The following GCH1 variants were observed in gnomAD, a reference collection of about 807,000 sequenced individuals.
GCH1 encodes GTP cyclohydrolase 1.
GCH1 carries 5 observed loss-of-function variants against 25.9 expected under a neutral mutation model. The observed-to-expected ratio is 0.19, with a 90% CI of 0.10 to 0.41. The LOEUF (loss-of-function observed/expected upper bound fraction) is 0.41, where lower values mean the gene tolerates loss of function less well. Ranked by LOEUF, GCH1 falls within the 10% of genes least tolerant of loss-of-function variation. GCH1 has a pLI of 1.00. For synonymous variants in GCH1, 159 were observed against 129.6 expected, an observed-to-expected ratio of 1.23 and a Z score of -1.54; for missense variants, 261 against 336.5, an observed-to-expected ratio of 0.78 and a Z score of 1.75.
At chr14:54,875,747 T>A (rs537789018) in intron 1 of GCH1, among the ~76,000 whole-genome samples, 1 of 152,176 alleles carries the variant, frequency 6.6e-6, no homozygotes, top group East Asian at 1.9e-4. Flanking sequence ...CATGAAAAAA[T>A]GCTCATCATC....
intron 1 of GCH1, among the ~76,000 whole-genome samples, chr14:54,877,809 T>G (rs2040185133): frequency 6.6e-6 from 1 of 152,118 alleles, no homozygotes. Flanking sequence ...AGTGCTTATT[T>G]AAGCATACTT....
In GCH1 at chr14:54,861,969, G is replaced by A. The variant is rs1363490697; in HGVS notation, c.454-2233C>T. 2.0e-5 allele frequency among the ~76,000 whole-genome samples: 3 copies of A among 152,216 alleles called. No homozygotes were observed. In the East Asian group the frequency reaches 5.8e-4, roughly 29 times the overall value. ...TTCAAAGATTCCTTCATTATCAATT[G>A]CAGGATTTCCAGATACGATATGGCT... On this transcript the variant is annotated intron_variant, in intron 2 of 5. Coordinates refer to ENST00000491895, the MANE Select transcript of GCH1 (RefSeq NM_000161.3).
rs770558029 is a variant in GCH1 at position 54,843,002 on chromosome 14, C to T, written c.*1015G>A. ...GGACACAGCTCATAATGTCTTCCAC[C>T]GTCAGTTCATTCTGTGCTCGTTCAG... On this transcript the variant is annotated 3_prime_UTR_variant, in exon 6 of 6. Coordinates refer to ENST00000491895, the MANE Select transcript of GCH1 (RefSeq NM_000161.3). 6 of 793,960 alleles carry T rather than the reference C, an allele frequency of 7.6e-6. No individual in the cohort carries two copies. The highest frequency in any genetic ancestry group is 7.3e-5 in the East Asian group (3 of 41,206). The allele number at this position is 793,960 out of a possible 1,614,324, so 49.2% of individuals were successfully genotyped here.
chr14:54,845,576 C>T (rs1445601111), intron 5 of GCH1, among the ~76,000 whole-genome samples, 192 bp downstream of exon 5: 5 of 152,160 alleles, frequency 3.3e-5, no homozygotes, highest in African/African-American at 9.7e-5. Flanking sequence ...AAATACTTCT[C>T]CCATATTCTG....
At chr14:54,863,226 T>C (rs1365568529) in intron 2 of GCH1, among the ~76,000 whole-genome samples, 2 of 151,946 alleles carry the variant, frequency 1.3e-5, no homozygotes, top group South Asian at 2.1e-4. Flanking sequence ...AAGACCATCC[T>C]GGCTAACACC....
chr14:54,856,841 T>C (rs953897414), intron 3 of GCH1, among the ~76,000 whole-genome samples: 1 of 152,246 alleles, frequency 6.6e-6, no homozygotes, highest in Admixed American at 6.5e-5. Flanking sequence ...ACTAAGTTTA[T>C]TCTAGAATTC....
chr14:54,865,428 T>C lies in GCH1; in HGVS notation c.352A>G (p.Asn118Asp), dbSNP rs1267072369. ...GYQETISDVL[N>D]DAIFDEDHDE... is the part of the protein sequence containing the mutation. The stretch of plus-strand genomic sequence containing the variant: ...TGATCTTCATCAAATATAGCATCGT[T>C]TAGGACATCTGAAATCAGAGGCTTG... The change falls in exon 2 of 6, where the codon AAC becomes GAC. Residue 118 changes from asparagine to aspartate, a missense_variant. Transcript: ENST00000491895. The C allele has an allele frequency of 6.6e-7, 1 of 1,508,436 alleles. No individual in the cohort carries two copies. The highest frequency in any genetic ancestry group is 9.2e-7 in the Non-Finnish European group (1 of 1,084,670). 93.4% of individuals were successfully genotyped at this position (1,508,436 alleles called of 1,614,324 possible).
intron 1 of GCH1, among the ~76,000 whole-genome samples, 168 bp downstream of exon 1, chr14:54,902,153 C>G (rs554284182): frequency 7.2e-5 from 11 of 152,192 alleles, no homozygotes; most frequent in Non-Finnish European, 1.5e-4. Context: ...CTGTGCCCCA[C>G]GCAGGGCCTC....
Position 54,842,912 on chromosome 14 carries a change from C to A in GCH1, c.*1105G>T. On this transcript the variant is annotated 3_prime_UTR_variant, in exon 6 of 6. Coordinates refer to ENST00000491895, the MANE Select transcript of GCH1 (RefSeq NM_000161.3). The stretch of plus-strand genomic sequence containing the variant: ...GACCCACATAGACCACAAAGGAAAC[C>A]GGGACCAGAAGCTTCCAGTGCATTT... 2 of 610,218 alleles carry A rather than the reference C, an allele frequency of 3.3e-6. No homozygotes were observed. The highest frequency in any genetic ancestry group is 4.6e-5 in the South Asian group (2 of 43,052). 37.8% of individuals were successfully genotyped at this position (610,218 alleles called of 1,614,324 possible).
At position 54,889,348 on chromosome 14, in the gene GCH1, C is replaced by A. The variant is rs554102463; in HGVS notation, c.343+12973G>T. Among the ~76,000 whole-genome samples, 8 of 152,340 alleles carry A rather than the reference C, an allele frequency of 5.3e-5. 2 individuals are homozygous for A. The South Asian group carries it at 1.7e-3, about 32-fold the overall frequency. On this transcript the variant is annotated intron_variant, in intron 1 of 5. Coordinates refer to ENST00000491895, the MANE Select transcript of GCH1 (RefSeq NM_000161.3). ...CTGTACCACAAATGCCTAGACCACA[C>A]AGGTAAAATTATATTTTAAGCTATT...
At chr14:54,865,148 T>C (rs1239298658) in intron 2 of GCH1, among the ~76,000 whole-genome samples, 179 bp downstream of exon 2, 1 of 152,184 alleles carries the variant, frequency 6.6e-6, no homozygotes, top group African/African-American at 2.4e-5. Context: ...TCTGCTACTT[T>C]GGTTTTGTTT....
At chr14:54,867,704 C>T (rs930367291) in intron 1 of GCH1, among the ~76,000 whole-genome samples, 2 of 151,112 alleles carry the variant, frequency 1.3e-5, no homozygotes, top group African/African-American at 4.9e-5. Context: ...CATAAAGTGC[C>T]TGCTTCACAG....
At position 54,902,597 on chromosome 14, in the gene GCH1, G is replaced by C. The variant is rs1308135163; in HGVS notation, c.67C>G (p.Pro23Ala). The C allele has an allele frequency of 1.3e-6, 2 of 1,500,554 alleles. No homozygotes were observed. Among genetic ancestry groups the C allele is most frequent in the Non-Finnish European group, 1.8e-6 (2 of 1,126,918 alleles). 93.0% of individuals were successfully genotyped at this position (1,500,554 alleles called of 1,614,324 possible). The change falls in exon 1 of 6, where the codon CCC becomes GCC. Residue 23 changes from proline to alanine, a missense_variant. By Grantham distance (27) the Pro-to-Ala change is conservative. This residue lies in a region of GCH1 where 125 missense variants were observed against 128.7 expected (regional missense o/e 0.97). Transcript: ENST00000491895. Reference protein sequence around the residue: ...PRGARCSNGFPERDPPRPGPS... With the variant: ...PRGARCSNGFAERDPPRPGPS... The stretch of plus-strand genomic sequence containing the variant: ...CCGGGCCGCGGCGGATCCCGCTCGG[G>C]GAACCCATTGCTGCACCTGGCGCCC...
chr14:54,864,384 TTAAATAAAATTATGATGGGGG>T (rs1262782607), intron 2 of GCH1, among the ~76,000 whole-genome samples: 4 of 152,166 alleles, frequency 2.6e-5, no homozygotes, highest in Admixed American at 6.5e-5. Context: ...AGAGTCAAAA[TTAAATAAAATTATGATGGGGG>T]TAGGGAAATG....
At position 54,902,639 on chromosome 14, in the gene GCH1, G is replaced by A. The variant is rs1248808303; in HGVS notation, c.25C>T (p.Pro9Ser). 2 of 1,483,774 alleles carry A rather than the reference G, an allele frequency of 1.3e-6. No individual in the cohort carries two copies. Among genetic ancestry groups the A allele is most frequent in the Non-Finnish European group, 8.9e-7 (1 of 1,121,670 alleles). 91.9% of individuals were successfully genotyped at this position (1,483,774 alleles called of 1,614,324 possible). ...CTGGCGCCCCGCGGCTTCTCCGCCG[G>A]TGCCCGCACAGGGCCCTTCTCCATG... MEKGPVRA[P>S]AEKPRGARCS... Residue 9 changes from proline to serine, a missense_variant, in exon 1 of 6, where the codon CCG becomes TCG. Transcript: ENST00000491895.
At chr14:54,853,737 CA>C (rs1480097914) in intron 3 of GCH1, among the ~76,000 whole-genome samples, 13 of 147,570 alleles carry the variant, frequency 8.8e-5, no homozygotes, top group Non-Finnish European at 1.2e-4. Flanking sequence ...ATTTGCCTAT[CA>C]TTTTTTTTTT....
At chr14:54,880,692 C>CAT (rs1555361306) in intron 1 of GCH1, among the ~76,000 whole-genome samples, 3 of 1,060 alleles carry the variant, frequency 2.8e-3, no homozygotes, top group African/African-American at 5.7e-3. Flanking sequence ...TATATATACT[C>CAT]ATATATATAT....
chr14:54,879,028 C>T (rs922245460), intron 1 of GCH1, among the ~76,000 whole-genome samples: 1 of 152,034 alleles, frequency 6.6e-6, no homozygotes, highest in African/African-American at 2.4e-5. Flanking sequence ...CCAAAGTGCT[C>T]GAATTACAGG....
chr14:54,880,676 T>A lies in GCH1; in HGVS notation c.344-15240A>T. ...ATATATACTCCATATATATATATACTCCATATATATATACTCATATATATA... is the reference window on the plus strand; with the variant it reads ...ATATATACTCCATATATATATATACACCATATATATATACTCATATATATA... On this transcript the variant is annotated intron_variant, in intron 1 of 5. Transcript: ENST00000491895. Among the ~76,000 whole-genome samples the A allele has an allele frequency of 6.3e-4, 2 of 3,194 alleles. 1 individual carries two copies. The highest frequency in any genetic ancestry group is 1.7e-3 in the Non-Finnish European group (2 of 1,188). The allele number at this position is 3,194 out of a possible 152,430, so 2.1% of individuals were successfully genotyped here.
Sources: gnomAD v4.1 joint callset for allele counts (sites outside exome capture counted in the v4.1 genomes callset) on GRCh38, gnomAD v4.1.1 for gene constraint, gnomAD v4.1.1 regional missense constraint, MANE v1.5 for transcripts, NCBI Gene and HGNC (gene_info 2026-07-23, HGNC 2026-07-21) for gene names.